Variants in ZRANB3 observed in about 807,000 individuals in gnomAD.
ZRANB3 encodes the protein DNA annealing helicase and endonuclease ZRANB3.
A neutral mutation model predicts 133.8 loss-of-function variants in ZRANB3; 125 were observed. That is an observed-to-expected ratio of 0.93 (90% CI 0.81 to 1.08). ZRANB3 has a LOEUF of 1.08. Among genes scored for constraint, ZRANB3 ranks in the 50% least tolerant of loss-of-function variants. ZRANB3 has a pLI of 0.00. For synonymous variants in ZRANB3, 387 were observed against 432.7 expected, an observed-to-expected ratio of 0.89 and a Z score of 1.31; for missense variants, 1,229 against 1,275.5, an observed-to-expected ratio of 0.96 and a Z score of 0.56.
intron 2 of ZRANB3, among the ~76,000 whole-genome samples, chr2:135,418,730 A>C (rs1295787601): frequency 2.0e-5 from 3 of 152,070 alleles, no homozygotes; most frequent in Non-Finnish European, 4.4e-5. Context: ...AGGAGGAGGT[A>C]CTAGGAAAAG....
intron 3 of ZRANB3, among the ~76,000 whole-genome samples, chr2:135,356,472 C>T (rs962263940): frequency 1.3e-5 from 2 of 151,624 alleles, no homozygotes; most frequent in East Asian, 1.9e-4. Flanking sequence ...TGACGACAGG[C>T]GAAGAAAAGG....
At chr2:135,344,974 T>C (rs1277395789) in intron 6 of ZRANB3, among the ~76,000 whole-genome samples, 1 of 152,136 alleles carries the variant, frequency 6.6e-6, no homozygotes, top group East Asian at 1.9e-4. Context: ...ACTGCTTACA[T>C]GGGAAGGGAA....
At chr2:135,323,647 A>G (rs1683650957) in intron 6 of ZRANB3, among the ~76,000 whole-genome samples, 2 of 152,212 alleles carry the variant, frequency 1.3e-5, no homozygotes, top group Admixed American at 1.3e-4. Context: ...CAATTTGATG[A>G]TCAATAAGGA....
chr2:135,270,482 A>G lies in ZRANB3; in HGVS notation c.1206+1286T>C, dbSNP rs112729278. 1.0e-3 allele frequency among the ~76,000 whole-genome samples: 159 copies of G among 152,292 alleles called. 2 individuals are homozygous for G. The highest frequency in any genetic ancestry group is 3.7e-3 in the African/African-American group (154 of 41,584). On this transcript the variant is annotated intron_variant, in intron 10 of 20. Coordinates refer to ENST00000264159, the MANE Select transcript of ZRANB3 (RefSeq NM_032143.4). Reference sequence around the variant, plus strand: ...TGAATAAAATGTAAGTGCCCCATACATTATTAATTTCAAAAGGTCCTAGAC... The same window carrying G: ...TGAATAAAATGTAAGTGCCCCATACGTTATTAATTTCAAAAGGTCCTAGAC...
At chr2:135,474,490 G>A (rs1267672400) in intron 2 of ZRANB3, among the ~76,000 whole-genome samples, 4 of 152,166 alleles carry the variant, frequency 2.6e-5, no homozygotes, top group Middle Eastern at 3.4e-3. Context: ...GTTCTCACAC[G>A]TTTAGTTACC....
At chr2:135,405,358 C>A (rs1369423192) in intron 2 of ZRANB3, among the ~76,000 whole-genome samples, 1 of 152,126 alleles carries the variant, frequency 6.6e-6, no homozygotes, top group Non-Finnish European at 1.5e-5. Flanking sequence ...TAGACTCACA[C>A]ACAATAAAAA....
chr2:135,522,397 GTCTCTT>G (rs1208412573), intron 1 of ZRANB3, among the ~76,000 whole-genome samples: 4 of 152,128 alleles, frequency 2.6e-5, no homozygotes, highest in Non-Finnish European at 5.9e-5. Flanking sequence ...CTCTTATTCT[GTCTCTT>G]TCTAATTCCT....
intron 12 of ZRANB3, among the ~76,000 whole-genome samples, chr2:135,259,665 G>A (rs1174854560): frequency 1.3e-5 from 2 of 152,038 alleles, no homozygotes; most frequent in African/African-American, 2.4e-5. Flanking sequence ...TGATCCGCCC[G>A]CCTCGGCCTC....
At chr2:135,253,216 AGGTGGTGGTAGGGCCTGCCAAC>A (rs1160852987) in intron 12 of ZRANB3, among the ~76,000 whole-genome samples, 1 of 152,224 alleles carries the variant, frequency 6.6e-6, no homozygotes, top group Non-Finnish European at 1.5e-5. Context: ...CTAGCGGCAG[AGGTGGTGGTAGGGCCTGCCAAC>A]GCAGGCTTGT....
At chr2:135,273,297 A>G (rs1012681905) in intron 9 of ZRANB3, among the ~76,000 whole-genome samples, 2 of 152,228 alleles carry the variant, frequency 1.3e-5, no homozygotes, top group African/African-American at 4.8e-5. Flanking sequence ...TAGAAAATAT[A>G]GCCTTAAATA....
At chr2:135,294,846 C>A (rs1168616999) in intron 8 of ZRANB3, among the ~76,000 whole-genome samples, 1 of 152,164 alleles carries the variant, frequency 6.6e-6, no homozygotes, top group East Asian at 1.9e-4. Context: ...GCCTTCATTT[C>A]ATTATGTACC....
intron 1 of ZRANB3, among the ~76,000 whole-genome samples, chr2:135,512,639 T>G (rs944942730): frequency 2.6e-5 from 4 of 151,480 alleles, no homozygotes; most frequent in African/African-American, 9.7e-5. Context: ...GTAAAAGAAT[T>G]AAAAAAGACA....
At chr2:135,361,900 T>C (rs558918000) in intron 3 of ZRANB3, among the ~76,000 whole-genome samples, 2 of 152,238 alleles carry the variant, frequency 1.3e-5, no homozygotes, top group East Asian at 3.9e-4. Context: ...TATTTGTTCT[T>C]AGAATTGTGT....
chr2:135,505,110 A>G (rs1047965953), intron 1 of ZRANB3, among the ~76,000 whole-genome samples: 12 of 152,114 alleles, frequency 7.9e-5, no homozygotes, highest in Non-Finnish European at 1.6e-4. Flanking sequence ...CTGGTTTTCC[A>G]CAGATGTTAC....
rs891040462 is a variant in ZRANB3 at position 135,519,762 on chromosome 2, T to C, written c.-8+11365A>G. On this transcript the variant is annotated intron_variant, in intron 1 of 20. Transcript: ENST00000264159. ...TAGGCTCCAGATATATAATAGTAAA[T>C]ATATTATTACATGCAGTTCTGAAGA... is the stretch of plus-strand genomic sequence containing the variant. Among the ~76,000 whole-genome samples, 3 of 152,132 alleles carry C rather than the reference T, an allele frequency of 2.0e-5. 1 individual carries two copies. The highest frequency in any genetic ancestry group is 7.2e-5 in the African/African-American group (3 of 41,434).
chr2:135,373,214 T>G (rs1268124661), intron 3 of ZRANB3, among the ~76,000 whole-genome samples: 1 of 152,200 alleles, frequency 6.6e-6, no homozygotes, highest in African/African-American at 2.4e-5. Flanking sequence ...AGACATTAAC[T>G]AGAAATACAT....
intron 3 of ZRANB3, among the ~76,000 whole-genome samples, chr2:135,384,820 A>G (rs969642318): frequency 1.6e-4 from 24 of 152,268 alleles, no homozygotes; most frequent in Admixed American, 1.4e-3. Flanking sequence ...CTCTCAATAA[A>G]TTGGGTATTG....
intron 6 of ZRANB3, among the ~76,000 whole-genome samples, chr2:135,319,840 CCAA>C: frequency 6.6e-6 from 1 of 152,188 alleles, no homozygotes; most frequent in Middle Eastern, 3.4e-3. Flanking sequence ...TAGCCTGATC[CCAA>C]CAACACTTGG....
At chr2:135,514,905 T>C (rs553044850) in intron 1 of ZRANB3, among the ~76,000 whole-genome samples, 2 of 152,282 alleles carry the variant, frequency 1.3e-5, no homozygotes, top group East Asian at 1.9e-4. Flanking sequence ...AATCATGTGT[T>C]GTTATTGGTT....
Sources: gnomAD v4.1 joint callset for allele counts (sites outside exome capture counted in the v4.1 genomes callset) on GRCh38, gnomAD v4.1.1 for gene constraint, MANE v1.5 for transcripts, NCBI Gene and HGNC (gene_info 2026-07-23, HGNC 2026-07-21) for gene names.